Variants in NDUFAF6 observed in about 807,000 individuals in gnomAD.
NDUFAF6 encodes NADH:ubiquinone oxidoreductase complex assembly factor 6.
A neutral mutation model predicts 40.8 loss-of-function variants in NDUFAF6; 45 were observed. The ratio of observed to expected loss-of-function variants is 1.10; its 90% CI spans 0.87 to 1.42. The LOEUF (loss-of-function observed/expected upper bound fraction) is 1.42, where lower values mean the gene tolerates loss of function less well. Among genes scored for constraint, NDUFAF6 ranks in the 40% most tolerant of loss-of-function variants. NDUFAF6 has a pLI of 0.00. For missense variants in NDUFAF6, 435 were observed against 418.5 expected (o/e 1.04, Z -0.34); for synonymous variants, 185 against 155.9 (o/e 1.19, Z -1.39).
intron 2 of NDUFAF6, among the ~76,000 whole-genome samples, chr8:95,009,651 CAG>C (rs972319712): frequency 6.6e-6 from 1 of 152,034 alleles, no homozygotes; most frequent in Non-Finnish European, 1.5e-5. Flanking sequence ...CCAGCCCAGA[CAG>C]AAAGTAGATT....
intron 2 of NDUFAF6, among the ~76,000 whole-genome samples, chr8:95,015,135 T>C (rs1459873594): frequency 6.6e-6 from 1 of 152,160 alleles, no homozygotes; most frequent in African/African-American, 2.4e-5. Context: ...AAGAGTTCTG[T>C]CAGGGTGGTG....
At chr8:95,030,193 G>A (rs1241293655) in intron 1 of NDUFAF6, among the ~76,000 whole-genome samples, 1 of 151,312 alleles carries the variant, frequency 6.6e-6, no homozygotes, top group African/African-American at 2.4e-5. Flanking sequence ...AGCTCATAGA[G>A]TCCTGTTTCA....
intron 1 of NDUFAF6, chr8:94,940,362 C>T: frequency 1.1e-6 from 1 of 931,052 alleles, no homozygotes; most frequent in African/African-American, 1.6e-5. Flanking sequence ...TTAGCTGATG[C>T]TCACGTATCT....
chr8:95,113,244 A>G (rs563993893), intron 4 of NDUFAF6, among the ~76,000 whole-genome samples: 1 of 152,300 alleles, frequency 6.6e-6, no homozygotes, highest in South Asian at 2.1e-4. Context: ...TGGAGTAGGG[A>G]ATACTTAAAA....
intron 4 of NDUFAF6, among the ~76,000 whole-genome samples, chr8:95,043,371 G>T (rs1830360745): frequency 6.6e-6 from 1 of 151,984 alleles, no homozygotes; most frequent in South Asian, 2.1e-4. Flanking sequence ...TTACAGGCTT[G>T]AGCCACCGCG....
chr8:94,901,031 AGAGAACAG>A (rs1817982236), intron 1 of NDUFAF6, among the ~76,000 whole-genome samples: 1 of 152,212 alleles, frequency 6.6e-6, no homozygotes, highest in Non-Finnish European at 1.5e-5. Context: ...GAGCAGGGTA[AGAGAACAG>A]GAGGTGCTAT....
At chr8:95,084,036 T>G (rs1241243767) in intron 2 of NDUFAF6, among the ~76,000 whole-genome samples, 1 of 152,226 alleles carries the variant, frequency 6.6e-6, no homozygotes, top group Non-Finnish European at 1.5e-5. Flanking sequence ...AAAAACTCAC[T>G]GGGATATTTA....
chr8:95,014,461 C>T (rs1011850142), intron 2 of NDUFAF6, among the ~76,000 whole-genome samples: 25 of 152,140 alleles, frequency 1.6e-4, no homozygotes, highest in Non-Finnish European at 2.9e-4. Context: ...ATGTTGTGAC[C>T]TGTGGCCATG....
intron 2 of NDUFAF6, among the ~76,000 whole-genome samples, chr8:95,009,130 G>A (rs773875747): frequency 6.6e-6 from 1 of 151,768 alleles, no homozygotes; most frequent in Non-Finnish European, 1.5e-5. Context: ...TGCTCAGGGG[G>A]TTGAGGCTGC....
downstream of NDUFAF6, chr8:95,058,835 A>C (rs995126887): frequency 1.1e-6 from 1 of 952,038 alleles, no homozygotes; most frequent in African/African-American, 1.8e-5. Flanking sequence ...TGTTCATTAA[A>C]CTTTTAAATT....
In NDUFAF6 at chr8:95,056,146, T is replaced by C. The variant is rs2131983876; in HGVS notation, c.874-1663T>C. On this transcript the variant is annotated intron_variant, in intron 8 of 8. Transcript: ENST00000396124. ...TTGTACATATTACTGTATCTACCTA[T>C]AGTACCTTCACTTCACTGTAGTATA... Among the ~76,000 whole-genome samples, 3 of 152,326 alleles carry C rather than the reference T, an allele frequency of 2.0e-5. No individual in the cohort carries two copies. In the Middle Eastern group the frequency reaches 0.01, roughly 518 times the overall value.
chr8:94,941,132 T>G, intron 1 of NDUFAF6: 1 of 578,274 alleles, frequency 1.7e-6, no homozygotes, highest in Non-Finnish European at 3.1e-6. Context: ...CAAATCAGCA[T>G]GCACATATAT....
At chr8:95,069,686 A>G (rs1832788372) in intron 9 of NDUFAF6, among the ~76,000 whole-genome samples, 1 of 150,426 alleles carries the variant, frequency 6.6e-6, no homozygotes, top group South Asian at 2.1e-4. Context: ...AGGCTGAGTC[A>G]TGAGAATCGC....
chr8:94,903,340 C>T lies in NDUFAF6; in HGVS notation c.-936+7413C>T, dbSNP rs561330723. ...TACCACTGCACTCTAGCCTGGGCAA[C>T]AGAGAGAGACCCTGTCTCGAAAAAA... On this transcript the variant is annotated intron_variant, in intron 1 of 14. Coordinates refer to the NDUFAF6 transcript ENST00000396113. 5.2e-4 allele frequency among the ~76,000 whole-genome samples: 79 copies of T among 152,182 alleles called. 1 individual carries two copies. Among genetic ancestry groups the T allele is most frequent in the African/African-American group, 1.8e-3 (76 of 41,512 alleles).
intron 1 of NDUFAF6, among the ~76,000 whole-genome samples, chr8:94,931,603 C>T (rs201910691): frequency 2.2e-4 from 9 of 40,844 alleles, no homozygotes; most frequent in Non-Finnish European, 1.5e-4. Flanking sequence ...CACACACACA[C>T]ACACACATAA....
intron 1 of NDUFAF6, chr8:94,927,020 A>T (rs987021133): frequency 6.6e-6 from 1 of 152,320 alleles, no homozygotes; most frequent in African/African-American, 2.4e-5. Flanking sequence ...TAAAATAAAA[A>T]GATAATTTTA....
chr8:94,945,009 A>C (rs1333064921), intron 1 of NDUFAF6, among the ~76,000 whole-genome samples: 1 of 152,222 alleles, frequency 6.6e-6, no homozygotes, highest in Non-Finnish European at 1.5e-5. Context: ...TGAGGTAGCC[A>C]CCAGGCACAC....
intron 1 of NDUFAF6, among the ~76,000 whole-genome samples, chr8:94,970,156 GAGGCAGGGGA>G (rs985080459): frequency 2.0e-5 from 3 of 150,756 alleles, no homozygotes; most frequent in African/African-American, 7.3e-5. Context: ...TTGGGAGGCT[GAGGCAGGGGA>G]ATCGCTTGAA....
chr8:95,091,371 G>A (rs755311396), intron 2 of NDUFAF6, among the ~76,000 whole-genome samples: 6 of 151,916 alleles, frequency 3.9e-5, no homozygotes, highest in Admixed American at 6.6e-5. Context: ...ATGAGAACTC[G>A]CTCACTATCA....
Sources: allele counts gnomAD v4.1 joint callset (sites outside exome capture counted in the v4.1 genomes callset), GRCh38; gene constraint gnomAD v4.1.1; transcripts MANE v1.5; gene names NCBI Gene and HGNC (gene_info 2026-07-23, HGNC 2026-07-21).